The following DLGAP2 variants were observed in gnomAD, a reference collection of about 807,000 sequenced individuals.
DLGAP2 encodes the protein disks large-associated protein 2.
Under a neutral mutation model 100.3 loss-of-function variants are expected in DLGAP2, and 26 were observed. That is an observed-to-expected ratio of 0.26 (90% CI 0.19 to 0.36). DLGAP2 has a LOEUF of 0.36. Ranked by LOEUF, DLGAP2 falls within the 10% of genes least tolerant of loss-of-function variation. The pLI is 1.00. For synonymous variants in DLGAP2, 886 were observed against 630.1 expected, an observed-to-expected ratio of 1.41 and a Z score of -6.08; for missense variants, 1,858 against 1,453.2, an observed-to-expected ratio of 1.28 and a Z score of -4.53.
At chr8:1,674,018 T>G (rs1412251797) in intron 10 of DLGAP2, among the ~76,000 whole-genome samples, 2 of 152,208 alleles carry the variant, frequency 1.3e-5, no homozygotes, top group African/African-American at 4.8e-5. Flanking sequence ...CTTTAAAGTC[T>G]GTATTATAAG....
chr8:1,593,841 A>G (rs1189161048), intron 6 of DLGAP2, among the ~76,000 whole-genome samples: 1 of 151,784 alleles, frequency 6.6e-6, no homozygotes, highest in Non-Finnish European at 1.5e-5. Context: ...GCAAACAAGA[A>G]CTCCATCTCT....
chr8:967,017 CAT>C (rs1332726462), intron 2 of DLGAP2, among the ~76,000 whole-genome samples: 3 of 152,270 alleles, frequency 2.0e-5, no homozygotes, highest in Non-Finnish European at 4.4e-5. Flanking sequence ...TGCTCCATCA[CAT>C]GTGTCATGTG....
At chr8:903,695 C>T (rs906225283) in intron 1 of DLGAP2, among the ~76,000 whole-genome samples, 2 of 152,238 alleles carry the variant, frequency 1.3e-5, no homozygotes, top group South Asian at 2.1e-4. Flanking sequence ...CTCTCCCGCC[C>T]GCACCCCGGT....
At chr8:1,501,479 G>A (rs568697416) in intron 4 of DLGAP2, 48 bp downstream of exon 4, 357 of 1,521,064 alleles carry the variant, frequency 2.3e-4, no homozygotes, top group Non-Finnish European at 1.7e-4. Context: ...GGACAGAACC[G>A]GGCATGCTCC....
Position 1,549,297 on chromosome 8 carries a change from G to A in DLGAP2, c.844G>A (p.Glu282Lys). The A allele has an allele frequency of 6.2e-7, 1 of 1,612,418 alleles. No homozygotes were observed. Among genetic ancestry groups the A allele is most frequent in the Non-Finnish European group, 8.5e-7 (1 of 1,179,658 alleles). ...GCACAGCAAGAGGAGCAAGAGCAAG[G>A]AGCGCAAGCCGGAGGGCAAGCCCCG... Reference protein sequence around the residue: ...AKHSKRSKSKERKPEGKPRPG... With the variant: ...AKHSKRSKSKKRKPEGKPRPG... Residue 282 changes from glutamate (E) to lysine (K), a missense_variant, in exon 5 of 15, where the codon GAG becomes AAG. By Grantham distance (56) the Glu-to-Lys change is moderately conservative. Coordinates refer to ENST00000637795, the MANE Select transcript of DLGAP2 (RefSeq NM_001346810.2).
At chr8:1,098,121 C>T (rs1459681329) in intron 2 of DLGAP2, among the ~76,000 whole-genome samples, 3 of 152,268 alleles carry the variant, frequency 2.0e-5, no homozygotes, top group Non-Finnish European at 4.4e-5. Context: ...ACGTTGGCGG[C>T]GCCACTGGAC....
At chr8:1,382,423 C>A (rs10087579) in intron 3 of DLGAP2, among the ~76,000 whole-genome samples, 3 of 151,960 alleles carry the variant, frequency 2.0e-5, no homozygotes, top group African/African-American at 7.3e-5. Context: ...GGCAAGTGTG[C>A]GTGAATATAT....
chr8:1,259,952 G>T (rs912990609), intron 3 of DLGAP2: 7 of 152,210 alleles, frequency 4.6e-5, no homozygotes, highest in African/African-American at 1.7e-4. Context: ...GGTAAAGTCA[G>T]TCACTGTACA....
chr8:798,335 A>C lies in DLGAP2; in HGVS notation c.18+60510A>C, dbSNP rs961531663. ...GCCTGCTTCCGTTGGCACTGAAAGC[A>C]AACGCTTGTTGAGTCAGGACCTGCA... On this transcript the variant is annotated intron_variant, in intron 1 of 14. Transcript: ENST00000637795. Among the ~76,000 whole-genome samples the C allele has an allele frequency of 7.5e-5, 11 of 147,500 alleles. 1 individual carries two copies. In the South Asian group the frequency reaches 1.3e-3, roughly 18 times the overall value.
At chr8:1,076,413 G>A (rs899040567) in intron 2 of DLGAP2, among the ~76,000 whole-genome samples, 1 of 152,220 alleles carries the variant, frequency 6.6e-6, no homozygotes, top group Admixed American at 6.5e-5. Context: ...GAGACGTACG[G>A]TATTTTGCGG....
chr8:1,115,348 T>C (rs916525838), intron 2 of DLGAP2, among the ~76,000 whole-genome samples: 1 of 152,232 alleles, frequency 6.6e-6, no homozygotes, highest in Admixed American at 6.5e-5. Context: ...CTCTAAGCCC[T>C]GCTTTATGAA....
intron 3 of DLGAP2, among the ~76,000 whole-genome samples, chr8:1,328,998 G>C (rs1459181471): frequency 6.6e-6 from 1 of 152,260 alleles, no homozygotes; most frequent in Non-Finnish European, 1.5e-5. Context: ...TTCAGCCTTA[G>C]ATCTGCAGGC....
intron 2 of DLGAP2, among the ~76,000 whole-genome samples, chr8:948,859 C>T (rs1799401034): frequency 6.6e-6 from 1 of 152,262 alleles, no homozygotes; most frequent in African/African-American, 2.4e-5. Context: ...GGCCTGAAGC[C>T]ACTCGGGAGC....
In DLGAP2 at chr8:1,325,515, C is replaced by G. The variant is rs143591585; in HGVS notation, c.106+66632C>G. Among the ~76,000 whole-genome samples, 18 of 152,330 alleles carry G rather than the reference C, an allele frequency of 1.2e-4. No homozygotes were observed. In the East Asian group the frequency reaches 3.5e-3, roughly 29 times the overall value. On this transcript the variant is annotated intron_variant, in intron 3 of 14. Coordinates refer to ENST00000637795, the MANE Select transcript of DLGAP2 (RefSeq NM_001346810.2). ...GCTCGGCGGATTTATCTGTAAAAAACTTTGTACGCATACATTGCTAGCTCA... is the reference window on the plus strand; with the variant it reads ...GCTCGGCGGATTTATCTGTAAAAAAGTTTGTACGCATACATTGCTAGCTCA...
intron 6 of DLGAP2, among the ~76,000 whole-genome samples, chr8:1,600,795 A>G (rs1191659568): frequency 6.6e-6 from 1 of 152,132 alleles, no homozygotes; most frequent in Admixed American, 6.5e-5. Flanking sequence ...CAAGGTTCTT[A>G]GCTTCCTTGT....
chr8:1,363,180 G>T (rs1038492897), intron 3 of DLGAP2, among the ~76,000 whole-genome samples: 1 of 152,250 alleles, frequency 6.6e-6, no homozygotes, highest in African/African-American at 2.4e-5. Context: ...GCCAGGCTGC[G>T]GGCACCAGCC....
chr8:738,738 C>T (rs1426412485), intron 1 of DLGAP2: 1 of 153,046 alleles, frequency 6.5e-6, no homozygotes, highest in African/African-American at 2.4e-5. Context: ...GGCCCTCCCT[C>T]AGCGCGCGGC....
chr8:1,175,779 G>A (rs996127474), intron 2 of DLGAP2, among the ~76,000 whole-genome samples: 3 of 152,130 alleles, frequency 2.0e-5, no homozygotes, highest in African/African-American at 7.2e-5. Context: ...ATACCTCATC[G>A]GGAAAGTAAA....
intron 3 of DLGAP2, among the ~76,000 whole-genome samples, chr8:1,282,411 C>G (rs1392360958): frequency 3.6e-5 from 5 of 139,848 alleles, no homozygotes; most frequent in Non-Finnish European, 4.7e-5. Flanking sequence ...TGACCTGAAC[C>G]CAGCGCCCTG....
Sources: gnomAD v4.1 joint callset for allele counts (sites outside exome capture counted in the v4.1 genomes callset) on GRCh38, gnomAD v4.1.1 for gene constraint, MANE v1.5 for transcripts, NCBI Gene and HGNC (gene_info 2026-07-23, HGNC 2026-07-21) for gene names.